Variants in DAGLA observed in about 807,000 individuals in gnomAD.
The protein encoded by DAGLA is diacylglycerol lipase-alpha.
DAGLA carries 22 observed loss-of-function variants against 102.6 expected under a neutral mutation model. The ratio of observed to expected loss-of-function variants is 0.21; its 90% CI spans 0.15 to 0.31. DAGLA has a LOEUF of 0.31. DAGLA is among the 10% of genes least tolerant of loss of function. The pLI, the probability that DAGLA is intolerant of heterozygous loss-of-function variation, is 1.00. For missense variants in DAGLA, 927 were observed against 1,446.6 expected (o/e 0.64, Z 5.83); for synonymous variants, 578 against 628.9 (o/e 0.92, Z 1.21).
At chr11:61,737,149 G>C in intron 13 of DAGLA, 33 bp from the exon 14 acceptor site, 1 of 1,612,556 alleles carries the variant, frequency 6.2e-7, no homozygotes, top group Admixed American at 1.7e-5. Context: ...GCGGGCATTG[G>C]GGCAGGGCTC....
At chr11:61,733,359 A>C (rs1016598337) in intron 9 of DAGLA, among the ~76,000 whole-genome samples, 4 of 152,106 alleles carry the variant, frequency 2.6e-5, no homozygotes, top group Admixed American at 2.6e-4. Context: ...AGTGTGGGGG[A>C]CCATGCTCTC....
intron 1 of DAGLA, among the ~76,000 whole-genome samples, chr11:61,699,159 G>A (rs1185997466): frequency 6.6e-6 from 1 of 152,172 alleles, no homozygotes; most frequent in Non-Finnish European, 1.5e-5. Context: ...CTCAGTTGGG[G>A]GGAATTCTGC....
intron 19 of DAGLA, 85 bp downstream of exon 19, chr11:61,741,434 GCAC>G: frequency 7.0e-7 from 1 of 1,438,150 alleles, no homozygotes; most frequent in Non-Finnish European, 9.4e-7. Context: ...TTTTGTGCAT[GCAC>G]TGGGCTCAGC....
At chr11:61,689,258 C>T (rs1027413262) in intron 1 of DAGLA, among the ~76,000 whole-genome samples, 3 of 152,242 alleles carry the variant, frequency 2.0e-5, no homozygotes, top group Non-Finnish European at 4.4e-5. Flanking sequence ...ACTGTCCTGG[C>T]CTTTTCAGCC....
intron 9 of DAGLA, among the ~76,000 whole-genome samples, chr11:61,732,784 C>A (rs1269796284): frequency 6.6e-6 from 1 of 152,168 alleles, no homozygotes; most frequent in African/African-American, 2.4e-5. Context: ...GAGTCCAGTG[C>A]CCCAGCCTGT....
rs1591050509 is a variant in DAGLA, at chr11:61,734,708, T to G, written c.975-141T>G. Reference sequence around the variant, plus strand: ...GCCAGTGGATTTGGTGACGTGGGGGTCACTAGGACTTAGCAAGGGCAATTT... The same window carrying G: ...GCCAGTGGATTTGGTGACGTGGGGGGCACTAGGACTTAGCAAGGGCAATTT... On this transcript the variant is annotated intron_variant, in intron 9 of 19. Coordinates refer to ENST00000257215, the MANE Select transcript of DAGLA (RefSeq NM_006133.3). This position sits in a 1 kb window ranked among gnomAD's most constrained non-coding sequence, Gnocchi z 4.2. The G allele has an allele frequency of 4.3e-6, 3 of 705,234 alleles. No individual in the cohort carries two copies. The highest frequency in any genetic ancestry group is 1.9e-5 in the South Asian group (1 of 52,710). 43.7% of individuals were successfully genotyped at this position (705,234 alleles called of 1,614,324 possible). A position where few individuals can be genotyped will look rare whatever the true frequency, so the allele number is the denominator to read the frequency against.
intron 1 of DAGLA, among the ~76,000 whole-genome samples, chr11:61,694,808 A>G (rs2135554337): frequency 6.6e-6 from 1 of 152,278 alleles, no homozygotes; most frequent in African/African-American, 2.4e-5. Flanking sequence ...TCTTCTTTCA[A>G]AGTAATAGTT....
intron 10 of DAGLA, among the ~76,000 whole-genome samples, 160 bp downstream of exon 10, chr11:61,735,162 C>G (rs759426217): frequency 6.6e-6 from 1 of 152,216 alleles, no homozygotes; most frequent in South Asian, 2.1e-4. Flanking sequence ...AGGTGGCCCC[C>G]TTCTCTTCCC....
intron 1 of DAGLA, among the ~76,000 whole-genome samples, chr11:61,700,415 T>C (rs2065100604): frequency 6.6e-6 from 1 of 151,794 alleles, no homozygotes; most frequent in Non-Finnish European, 1.5e-5. Context: ...AACTTGAACT[T>C]GGACTTCTCC....
chr11:61,728,073 G>A, intron 6 of DAGLA, 80 bp from the exon 7 acceptor site: 1 of 1,545,206 alleles, frequency 6.5e-7, no homozygotes, highest in Non-Finnish European at 8.9e-7. Context: ...CAGCCTCCCA[G>A]CCCTGGGGGA....
At chr11:61,691,304 G>A (rs1465696110) in intron 1 of DAGLA, among the ~76,000 whole-genome samples, 2 of 152,212 alleles carry the variant, frequency 1.3e-5, no homozygotes, top group Non-Finnish European at 1.5e-5. Flanking sequence ...ATAAATTATA[G>A]GAACCCTCTG....
At chr11:61,693,679 C>A (rs74235212) in intron 1 of DAGLA, among the ~76,000 whole-genome samples, 2 of 152,198 alleles carry the variant, frequency 1.3e-5, no homozygotes, top group Non-Finnish European at 2.9e-5. Flanking sequence ...CATAAGTCAG[C>A]GTGTCTGGTC....
intron 1 of DAGLA, among the ~76,000 whole-genome samples, chr11:61,694,184 C>T (rs1021392026): frequency 1.3e-5 from 2 of 152,218 alleles, no homozygotes; most frequent in Non-Finnish European, 2.9e-5. Context: ...ATCAGGGAGG[C>T]GTGGCATCTG....
intron 1 of DAGLA, among the ~76,000 whole-genome samples, chr11:61,707,758 G>A (rs542449796): frequency 6.6e-6 from 1 of 152,304 alleles, no homozygotes. Flanking sequence ...CCTGGGCATG[G>A]GGTGCACTCA....
At chr11:61,717,491 A>C (rs2065245155) in intron 1 of DAGLA, among the ~76,000 whole-genome samples, 1 of 152,172 alleles carries the variant, frequency 6.6e-6, no homozygotes, top group African/African-American at 2.4e-5. Flanking sequence ...CAGCTAAGAC[A>C]GCTAGAGCCT....
In DAGLA at chr11:61,744,639, C is replaced by T. The variant is rs185308016; in HGVS notation, c.*150C>T. 40 of 643,704 alleles carry T rather than the reference C, an allele frequency of 6.2e-5. No homozygotes were observed. In the East Asian group the frequency reaches 1.1e-3, roughly 17 times the overall value. The allele number at this position is 643,704 out of a possible 1,614,324, so 39.9% of individuals were successfully genotyped here. A position where few individuals can be genotyped will look rare whatever the true frequency, so the allele number is the denominator to read the frequency against. ...GCATCGCTGCTGAGCTGGGGGTCCG[C>T]ATCCCTACCTCAGCTTAGGACCCCC... On this transcript the variant is annotated 3_prime_UTR_variant, in exon 20 of 20. Coordinates refer to ENST00000257215, the MANE Select transcript of DAGLA (RefSeq NM_006133.3).
intron 9 of DAGLA, among the ~76,000 whole-genome samples, chr11:61,732,123 C>T (rs1489286449): frequency 6.6e-6 from 1 of 152,198 alleles, no homozygotes; most frequent in African/African-American, 2.4e-5. Context: ...GGAACCCCTC[C>T]CTGTCCTGGG....
rs2135616470 is a variant in DAGLA at position 61,743,834 on chromosome 11, C to T, written c.2474C>T (p.Pro825Leu). The change falls in exon 20 of 20, where the codon CCT (proline) becomes CTT (leucine). Residue 825 changes from proline (P) to leucine (L), a missense_variant. Physicochemically the swap from Pro to Leu is moderately conservative, Grantham distance 98 (BLOSUM62 -3). Transcript: ENST00000257215. Reference protein sequence around the residue: ...RDEGHLFYIDPAIPEENPSLS... With the variant: ...RDEGHLFYIDLAIPEENPSLS... ...GAAGGCCACCTCTTCTACATTGACC[C>T]TGCCATCCCCGAGGAAAACCCATCC... 2 of 1,612,580 alleles carry T rather than the reference C, an allele frequency of 1.2e-6. No individual in the cohort carries two copies. The highest frequency in any genetic ancestry group is 1.7e-6 in the Non-Finnish European group (2 of 1,179,938).
rs549855367 is a variant in DAGLA at position 61,742,336 on chromosome 11, C to T, written c.2171+987C>T. On this transcript the variant is annotated intron_variant, in intron 19 of 19. Transcript: ENST00000257215. ...GTAGTCCTTCCAGGGGAGGATTGTC[C>T]TGCCTTTCTAGGACCTTCCCACACA... 1.6e-3 allele frequency among the ~76,000 whole-genome samples: 250 copies of T among 152,284 alleles called. 8 individuals are homozygous for T. In the South Asian group the frequency reaches 0.031, roughly 19 times the overall value.
Sources: allele counts gnomAD v4.1 joint callset (sites outside exome capture counted in the v4.1 genomes callset), GRCh38; gene constraint gnomAD v4.1.1; non-coding constraint Gnocchi (gnomAD v3.1); transcripts MANE v1.5; gene names NCBI Gene and HGNC (gene_info 2026-07-23, HGNC 2026-07-21).